CCDC197: variants seen among roughly 807,000 people sequenced by gnomAD.
CCDC197 encodes the protein uncharacterized protein CCDC197.
Under a neutral mutation model 13.4 loss-of-function variants are expected in CCDC197, and 24 were observed. That is an observed-to-expected ratio of 1.80 (90% CI 1.30 to 2.53). The LOEUF (loss-of-function observed/expected upper bound fraction) is 2.53. Among genes scored for constraint, CCDC197 ranks in the 30% most tolerant of loss-of-function variants. The probability of loss-of-function intolerance (pLI) is 0.00; values close to 1 mark genes in which losing one functional copy is unlikely to be tolerated. For synonymous variants in CCDC197, 99 were observed against 55.5 expected, an observed-to-expected ratio of 1.78 and a Z score of -3.48; for missense variants, 255 against 148.8, an observed-to-expected ratio of 1.71 and a Z score of -3.71.
At chr14:93,991,883 G>A (rs1276257818) in intron 1 of CCDC197, among the ~76,000 whole-genome samples, 1 of 152,218 alleles carries the variant, frequency 6.6e-6, no homozygotes, top group African/African-American at 2.4e-5. Context: ...CACTGTGAGA[G>A]GAATAGGCAA....
At chr14:94,004,493 C>G (rs1271346237) in intron 5 of CCDC197, among the ~76,000 whole-genome samples, 1 of 152,120 alleles carries the variant, frequency 6.6e-6, no homozygotes, top group African/African-American at 2.4e-5. Flanking sequence ...CCTTTGAGGT[C>G]TCTCTCTCTA....
At chr14:93,990,790 G>T (rs1595347175) in intron 1 of CCDC197, among the ~76,000 whole-genome samples, 1 of 152,236 alleles carries the variant, frequency 6.6e-6, no homozygotes, top group African/African-American at 2.4e-5. Context: ...ATCTGGGAGT[G>T]GTCCTGCACC....
At chr14:93,992,386 G>A (rs1340638694), upstream of CCDC197, among the ~76,000 whole-genome samples, 1 of 152,210 alleles carries the variant, frequency 6.6e-6, no homozygotes, top group African/African-American at 2.4e-5. Flanking sequence ...CATAGCAGGA[G>A]GTGACAAGGT....
rs1272135801 is a variant in CCDC197 at position 94,003,967 on chromosome 14, T to A, written c.498+613T>A. Reference sequence around the variant, plus strand: ...ACGGTGTTTAAGTGAGTGGTTGTTATGTACTGTCTTCAGTAAGGCTGGTGT... The same window carrying A: ...ACGGTGTTTAAGTGAGTGGTTGTTAAGTACTGTCTTCAGTAAGGCTGGTGT... On this transcript the variant is annotated intron_variant, in intron 5 of 6. Coordinates refer to ENST00000636493, the MANE Select transcript of CCDC197 (RefSeq NM_001351596.2). The surrounding 1 kb of genome is among the most constrained non-coding windows in gnomAD (Gnocchi z 5.0). Among the ~76,000 whole-genome samples the A allele has an allele frequency of 6.6e-6, 1 of 152,250 alleles. No homozygotes were observed. The highest frequency in any genetic ancestry group is 2.4e-5 in the African/African-American group (1 of 41,468).
intron 1 of CCDC197, among the ~76,000 whole-genome samples, chr14:93,992,029 C>T (rs1410530255): frequency 6.6e-6 from 1 of 152,226 alleles, no homozygotes; most frequent in Non-Finnish European, 1.5e-5. Flanking sequence ...ATTTTGCAAA[C>T]AGGTTGTTAA....
chr14:94,003,221 A>G lies in CCDC197; in HGVS notation c.367-2A>G. 3.8e-6 allele frequency: 3 copies of G among 780,320 alleles called. No homozygotes were observed. In the South Asian group the frequency reaches 4.0e-5, roughly 10 times the overall value. 48.3% of individuals were successfully genotyped at this position (780,320 alleles called of 1,614,324 possible). The stretch of plus-strand genomic sequence containing the variant: ...CAAGATGGCCCATTCCCTCTGCCCC[A>G]GAGCCTCAAGATCCGGCTGTGTCAG... On this transcript the variant is annotated splice_acceptor_variant, in intron 4 of 6. Coordinates refer to ENST00000636493, the MANE Select transcript of CCDC197 (RefSeq NM_001351596.2). LOFTEE classifies it high-confidence loss of function. The surrounding 1 kb of genome is among the most constrained non-coding windows in gnomAD (Gnocchi z 5.0).
chr14:93,993,466 C>T (rs906750871), upstream of CCDC197, among the ~76,000 whole-genome samples: 2 of 152,228 alleles, frequency 1.3e-5, no homozygotes, highest in Non-Finnish European at 2.9e-5. Context: ...CCACACTTTG[C>T]CTTTCAGGAA....
chr14:93,997,976 A>G lies in CCDC197; in HGVS notation c.-133-23A>G, dbSNP rs141958858. 5,084 of 621,656 alleles carry G rather than the reference A, an allele frequency of 8.2e-3. 89 individuals are homozygous for G. The highest frequency in any genetic ancestry group is 0.039 in the South Asian group (2,043 of 53,044). The allele number at this position is 621,656 out of a possible 1,614,324, so 38.5% of individuals were successfully genotyped here. On this transcript the variant is annotated intron_variant, in intron 1 of 6. Transcript: ENST00000636493. Reference sequence around the variant, plus strand: ...TAAGCTGCTCACAGCCCCTTTCTGAACCTCTGTCTCCTTTTCTGTGAGGTG... The same window carrying G: ...TAAGCTGCTCACAGCCCCTTTCTGAGCCTCTGTCTCCTTTTCTGTGAGGTG...
chr14:93,997,922 G>T lies in CCDC197; in HGVS notation c.-133-77G>T, dbSNP rs140009129. The T allele has an allele frequency of 0.023, 13,612 of 582,302 alleles. 220 individuals carry two copies. Among genetic ancestry groups the T allele is most frequent in the Non-Finnish European group, 0.03 (9,795 of 326,768 alleles). The allele number at this position is 582,302 out of a possible 1,614,324, so 36.1% of individuals were successfully genotyped here. A position where few individuals can be genotyped will look rare whatever the true frequency, so the allele number is the denominator to read the frequency against. ...TGGACTTGGGATTTAATGAGCCCTG[G>T]GTCCTCATCCAGTCCTGCCAGATGA... On this transcript the variant is annotated intron_variant, in intron 1 of 6. Transcript: ENST00000636493.
chr14:94,005,799 G>A (rs765473162), intron 6 of CCDC197, among the ~76,000 whole-genome samples: 15 of 152,068 alleles, frequency 9.9e-5, no homozygotes, highest in Admixed American at 7.2e-4. Context: ...TGTTTTCAAG[G>A]TTCATCCATG....
upstream of CCDC197, among the ~76,000 whole-genome samples, chr14:93,992,786 C>T (rs1331438392): frequency 6.6e-6 from 1 of 152,174 alleles, no homozygotes. Flanking sequence ...TGGGTGATTC[C>T]CCAGCTCTGG....
chr14:94,004,097 G>C (rs1249195823), intron 5 of CCDC197, among the ~76,000 whole-genome samples: 1 of 152,168 alleles, frequency 6.6e-6, no homozygotes, highest in Non-Finnish European at 1.5e-5. Context: ...GAAAGAACAA[G>C]TCATGGCCAA....
chr14:93,989,816 A>G (rs962391676), intron 1 of CCDC197, among the ~76,000 whole-genome samples: 5 of 152,170 alleles, frequency 3.3e-5, no homozygotes, highest in Admixed American at 3.3e-4. Context: ...GCTGAAGTCA[A>G]GGTCGGGCCT....
chr14:93,992,292 G>C (rs1054653709), intron 1 of CCDC197, among the ~76,000 whole-genome samples: 1 of 152,186 alleles, frequency 6.6e-6, no homozygotes, highest in Admixed American at 6.5e-5. Context: ...GACCAACATG[G>C]GCCAGCGAAG....
At chr14:93,996,739 G>A (rs565725699), upstream of CCDC197, among the ~76,000 whole-genome samples, 47 of 152,282 alleles carry the variant, frequency 3.1e-4, no homozygotes, top group African/African-American at 1.1e-3. Context: ...CCGGCAGGGT[G>A]GTGCGTGTGG....
chr14:93,988,397 G>A (rs1311738858), intron 1 of CCDC197, among the ~76,000 whole-genome samples: 1 of 103,006 alleles, frequency 9.7e-6, no homozygotes, highest in Non-Finnish European at 2.0e-5. Context: ...GGATGAGAGA[G>A]GGGATGGGAA....
Position 94,008,664 on chromosome 14 carries a change from C to T in CCDC197, c.671C>T (p.Pro224Leu), listed in dbSNP as rs1158724882. Reference protein sequence around the residue: ...TVRLIALLTEPKVCWSWDSFG... With the variant: ...TVRLIALLTELKVCWSWDSFG... ...AGACTGATCGCACTGCTCACGGAAC[C>T]CAAAGTGTGCTGGTCATGGGACAGC... The change falls in exon 7 of 7, where the codon CCC (proline) becomes CTC (leucine). Residue 224 changes from proline (P) to leucine (L), a missense_variant. Pro to Leu is a moderately conservative substitution (Grantham distance 98). Transcript: ENST00000636493. 1 of 702,888 alleles carries T rather than the reference C, an allele frequency of 1.4e-6. No homozygotes were observed. The highest frequency in any genetic ancestry group is 2.6e-6 in the Non-Finnish European group (1 of 385,028). 43.5% of individuals were successfully genotyped at this position (702,888 alleles called of 1,614,324 possible). A position where few individuals can be genotyped will look rare whatever the true frequency, so the allele number is the denominator to read the frequency against.
At chr14:94,002,785 G>A (rs1156715312) in intron 4 of CCDC197, among the ~76,000 whole-genome samples, 2 of 150,636 alleles carry the variant, frequency 1.3e-5, no homozygotes, top group African/African-American at 4.9e-5. Context: ...CCCAGGAGGC[G>A]GAGGTCGCAG....
At chr14:93,988,172 G>C in intron 1 of CCDC197, among the ~76,000 whole-genome samples, 1 of 132,444 alleles carries the variant, frequency 7.6e-6, no homozygotes, top group East Asian at 2.3e-4. Flanking sequence ...TTGGAGGAGG[G>C]GTGGGGCCAG....
Sources: allele counts gnomAD v4.1 joint callset (sites outside exome capture counted in the v4.1 genomes callset), GRCh38; gene constraint gnomAD v4.1.1; non-coding constraint Gnocchi (gnomAD v3.1); transcripts MANE v1.5; gene names NCBI Gene and HGNC (gene_info 2026-07-23, HGNC 2026-07-21).